SLC2A11: variants seen among roughly 807,000 people sequenced by gnomAD.
SLC2A11 encodes solute carrier family 2, facilitated glucose transporter member 11.
Under a neutral mutation model 52.1 loss-of-function variants are expected in SLC2A11, and 43 were observed. The observed-to-expected ratio is 0.82, with a 90% CI of 0.65 to 1.06. The LOEUF (loss-of-function observed/expected upper bound fraction) is 1.06. Ranked by LOEUF, SLC2A11 falls within the 50% of genes least tolerant of loss-of-function variation. The pLI is 0.00. For synonymous variants in SLC2A11, 261 were observed against 277.6 expected (o/e 0.94, Z 0.59); for missense variants, 582 against 654.2 (o/e 0.89, Z 1.20).
chr22:23,857,664 C>T, upstream of SLC2A11: 2 of 1,118,050 alleles, frequency 1.8e-6, no homozygotes, highest in South Asian at 1.4e-5. Context: ...GCTGAGTCCG[C>T]GCATGCGCCT....
chr22:23,857,606 C>A, upstream of SLC2A11: 1 of 1,309,390 alleles, frequency 7.6e-7, no homozygotes, highest in Non-Finnish European at 1.1e-6. Flanking sequence ...GACTCCCCCC[C>A]AACACGCTGG....
rs765832252 is a variant in SLC2A11, at chr22:23,883,937, C to T, written c.1096-12C>T. On this transcript the variant is annotated splice_polypyrimidine_tract_variant and intron_variant, in intron 9 of 11. Coordinates refer to ENST00000316185, the MANE Select transcript of SLC2A11 (RefSeq NM_001024939.4). ...GCTGACTTCCACCTCACCCCCGCCC[C>T]GTCCACGGCAGAGCTCCTTCCCCTG... is the stretch of plus-strand genomic sequence containing the variant. The T allele has an allele frequency of 5.5e-5, 88 of 1,612,150 alleles. 1 individual carries two copies. The Middle Eastern group carries it at 8.2e-4, about 15-fold the overall frequency.
intron 2 of SLC2A11, chr22:23,867,346 C>T (rs1203249614): frequency 1.2e-5 from 2 of 165,856 alleles, no homozygotes; most frequent in African/African-American, 4.8e-5. Context: ...CCTGCCATCA[C>T]ACCTGGCTAA....
At chr22:23,881,075 A>G (rs917473030) in intron 6 of SLC2A11, 1 of 151,480 alleles carries the variant, frequency 6.6e-6, no homozygotes, top group South Asian at 2.1e-4. Flanking sequence ...CCTGGTGCCA[A>G]TTTATTGATC....
At chr22:23,857,582 C>CG (rs201709896), upstream of SLC2A11, 22,191 of 1,482,120 alleles carry the variant, frequency 0.015, 658 homozygotes, top group African/African-American at 0.11. Context: ...CCCAAACCCC[C>CG]CCCCCGCGGC....
rs1455813834 is a variant in SLC2A11 at position 23,862,214 on chromosome 22, C to T, written c.129+12C>T. 6.2e-7 allele frequency: 1 copy of T among 1,612,672 alleles called. No homozygotes were observed. Among genetic ancestry groups the T allele is most frequent in the Non-Finnish European group, 8.5e-7 (1 of 1,178,666 alleles). On this transcript the variant is annotated intron_variant, in intron 2 of 11. Transcript: ENST00000316185. Reference sequence around the variant, plus strand: ...ATGCCCCGACCTTGGTATGTATCCTCTCTGGGTGGAGACTGTCCCTGTCTG... The same window carrying T: ...ATGCCCCGACCTTGGTATGTATCCTTTCTGGGTGGAGACTGTCCCTGTCTG...
At chr22:23,867,080 C>T (rs1365039273) in intron 2 of SLC2A11, 2 of 152,432 alleles carry the variant, frequency 1.3e-5, no homozygotes, top group Non-Finnish European at 2.9e-5. Context: ...GCACAGGTGG[C>T]TCCCTGGGGC....
intron 2 of SLC2A11, among the ~76,000 whole-genome samples, chr22:23,862,918 C>T (rs59742361): frequency 0.079 from 12,040 of 152,200 alleles, 1,051 homozygotes; most frequent in African/African-American, 0.21. Context: ...ACACCGTGCC[C>T]GGTCTCATCA....
chr22:23,883,895 T>TG (rs772548824), intron 9 of SLC2A11, 22 bp downstream of exon 9: 1 of 1,608,722 alleles, frequency 6.2e-7, no homozygotes, highest in South Asian at 1.1e-5. Context: ...GGATGAGGGC[T>TG]GGGGGGTCCA....
At chr22:23,878,931 A>G (rs1268433482) in intron 6 of SLC2A11, among the ~76,000 whole-genome samples, 1 of 152,228 alleles carries the variant, frequency 6.6e-6, no homozygotes, top group African/African-American at 2.4e-5. Flanking sequence ...GTAAAAAGTA[A>G]GATGAGGTAA....
chr22:23,864,307 G>A (rs1447785397), intron 2 of SLC2A11, among the ~76,000 whole-genome samples: 3 of 152,100 alleles, frequency 2.0e-5, no homozygotes, highest in Admixed American at 2.0e-4. Context: ...TGAGCTGGCT[G>A]CGTTGGTTTA....
At chr22:23,877,515 T>G in intron 5 of SLC2A11, 1 of 783,500 alleles carries the variant, frequency 1.3e-6, no homozygotes, top group Non-Finnish European at 2.2e-6. Context: ...GAGGAGTTGC[T>G]AGGGATGAGG....
upstream of SLC2A11, chr22:23,857,229 C>G: frequency 2.7e-6 from 2 of 728,304 alleles, no homozygotes; most frequent in Non-Finnish European, 4.5e-6. Flanking sequence ...GAGGTCAGAC[C>G]AGCGAGAGAC....
chr22:23,882,695 T>C, intron 7 of SLC2A11, 49 bp downstream of exon 7: 1 of 1,605,918 alleles, frequency 6.2e-7, no homozygotes, highest in Non-Finnish European at 8.5e-7. Context: ...GGCTTGGTGT[T>C]GCAGGCCGCT....
At chr22:23,881,763 C>T (rs989523942) in intron 6 of SLC2A11, 2 of 153,764 alleles carry the variant, frequency 1.3e-5, no homozygotes, top group African/African-American at 4.8e-5. Context: ...GAGAGAAACA[C>T]ACACACACAC....
At chr22:23,865,168 G>A (rs1459386889) in intron 2 of SLC2A11, 1 of 149,352 alleles carries the variant, frequency 6.7e-6, no homozygotes, top group East Asian at 2.0e-4. Flanking sequence ...TGTAATCCCA[G>A]CACTTTGGGA....
At chr22:23,881,024 GAT>G (rs1421067720) in intron 6 of SLC2A11, 6 of 151,376 alleles carry the variant, frequency 4.0e-5, no homozygotes, top group African/African-American at 1.2e-4. Flanking sequence ...TCTTGGAACT[GAT>G]ACCATATTTC....
Position 23,884,215 on chromosome 22 carries a change from C to A in SLC2A11, c.1172-87C>A. 1.3e-6 allele frequency: 2 copies of A among 1,520,988 alleles called. No homozygotes were observed. The highest frequency in any genetic ancestry group is 1.8e-6 in the Non-Finnish European group (2 of 1,133,970). 94.2% of individuals were successfully genotyped at this position (1,520,988 alleles called of 1,614,324 possible). ...GCCCCCCATACAGACTGGGCCTGGG[C>A]TCCCACTCCCATGTCTGGGCTGGGG... On this transcript the variant is annotated intron_variant, in intron 10 of 11. Coordinates refer to ENST00000316185, the MANE Select transcript of SLC2A11 (RefSeq NM_001024939.4). This position sits in a 1 kb window ranked among gnomAD's most constrained non-coding sequence, Gnocchi z 4.3.
chr22:23,876,461 C>T (rs565131960), intron 4 of SLC2A11, among the ~76,000 whole-genome samples: 100 of 152,246 alleles, frequency 6.6e-4, no homozygotes, highest in African/African-American at 2.4e-3. Flanking sequence ...GGGCATACTG[C>T]ATTCCCAGGG....
Sources: gnomAD v4.1 joint callset for allele counts (sites outside exome capture counted in the v4.1 genomes callset) on GRCh38, gnomAD v4.1.1 for gene constraint, Gnocchi (gnomAD v3.1) non-coding constraint, MANE v1.5 for transcripts, NCBI Gene and HGNC (gene_info 2026-07-23, HGNC 2026-07-21) for gene names.